Variants in WWP2 observed in about 807,000 individuals in gnomAD.
WWP2 encodes WW domain containing E3 ubiquitin protein ligase 2.
In WWP2, 57 loss-of-function variants were observed where a neutral mutation model predicts 121.0. The observed-to-expected ratio is 0.47, with a 90% CI of 0.38 to 0.59. The LOEUF is 0.59. WWP2 is among the 20% of genes least tolerant of loss of function. The pLI is 0.00. For synonymous variants in WWP2, 449 were observed against 441.3 expected, an observed-to-expected ratio of 1.02 and a Z score of -0.22; for missense variants, 962 against 1,158.9, an observed-to-expected ratio of 0.83 and a Z score of 2.47.
In WWP2 at chr16:69,937,255, G is replaced by T. The variant is rs376502073; in HGVS notation, c.2238+17G>T. Reference sequence around the variant, plus strand: ...GAGCTGGAGGTGAGTGTCTGAGGTTGCTGGGACCCTGAGCCCCTGCCTCTG... The same window carrying T: ...GAGCTGGAGGTGAGTGTCTGAGGTTTCTGGGACCCTGAGCCCCTGCCTCTG... On this transcript the variant is annotated intron_variant, in intron 20 of 23. Transcript: ENST00000359154. This position sits in a 1 kb window ranked among gnomAD's most constrained non-coding sequence, Gnocchi z 6.6. 7 of 1,612,522 alleles carry T rather than the reference G, an allele frequency of 4.3e-6. No individual in the cohort carries two copies. The African/African-American group carries it at 9.4e-5, about 22-fold the overall frequency.
intron 16 of WWP2, 88 bp from the exon 17 acceptor site, chr16:69,933,879 CCTG>C: frequency 6.8e-7 from 1 of 1,468,178 alleles, no homozygotes; most frequent in East Asian, 2.3e-5. Flanking sequence ...CCCATACTAA[CCTG>C]AGACACGATG....
intron 11 of WWP2, among the ~76,000 whole-genome samples, chr16:69,928,361 T>G (rs974915413): frequency 1.7e-4 from 24 of 137,474 alleles, no homozygotes; most frequent in African/African-American, 1.7e-4. Context: ...TAGTTTTTTG[T>G]TTTTTTTTTC....
At chr16:69,930,290 A>G in intron 13 of WWP2, 32 bp downstream of exon 13, 2 of 1,609,360 alleles carry the variant, frequency 1.2e-6, no homozygotes, top group African/African-American at 1.3e-5. Context: ...CAGCAGTGTC[A>G]GGAGCCGAGG....
intron 6 of WWP2, among the ~76,000 whole-genome samples, chr16:69,842,372 T>C (rs2056995599): frequency 6.6e-6 from 1 of 152,274 alleles, no homozygotes; most frequent in Middle Eastern, 3.4e-3. Context: ...ATGTACAGGT[T>C]TGTTACATGG....
At position 69,931,161 on chromosome 16, in the gene WWP2, A is replaced by G; in HGVS notation, c.1455A>G (p.Gln485=). 6.2e-7 allele frequency: 1 copy of G among 1,614,132 alleles called. No individual in the cohort carries two copies. Among genetic ancestry groups the G allele is most frequent in the Non-Finnish European group, 8.5e-7 (1 of 1,180,004 alleles). ...PRPGFESGTK[Q]GSPGAYDRSF... ...TCTTTGCTCTTCCTAGGACGAAGCAAGGTTCCCCTGGTGCTTATGACCGCA... is the reference window on the plus strand; with the variant it reads ...TCTTTGCTCTTCCTAGGACGAAGCAGGGTTCCCCTGGTGCTTATGACCGCA... The change falls in exon 14 of 24, where the codon CAA becomes CAG. Residue 485 remains glutamine, a synonymous_variant. Coordinates refer to ENST00000359154, the MANE Select transcript of WWP2 (RefSeq NM_001270454.2).
chr16:69,866,282 ATT>A (rs1322420585), intron 6 of WWP2, among the ~76,000 whole-genome samples: 32 of 32,184 alleles, frequency 9.9e-4, no homozygotes, highest in African/African-American at 2.7e-3. Context: ...TTATTTATTT[ATT>A]TATTTATTTA....
At chr16:69,782,081 G>A (rs1433492564) in intron 1 of WWP2, among the ~76,000 whole-genome samples, 5 of 152,086 alleles carry the variant, frequency 3.3e-5, no homozygotes, top group Admixed American at 2.6e-4. Flanking sequence ...TCAGGAGTTC[G>A]AGACCAGCTT....
chr16:69,920,424 C>T (rs933301154), intron 10 of WWP2, among the ~76,000 whole-genome samples: 1 of 152,124 alleles, frequency 6.6e-6, no homozygotes. Flanking sequence ...GGTCTTTCAC[C>T]ACATTTCAGA....
chr16:69,782,124 A>C (rs1331999733), intron 1 of WWP2, among the ~76,000 whole-genome samples: 2 of 152,072 alleles, frequency 1.3e-5, no homozygotes, highest in African/African-American at 4.8e-5. Context: ...CTTTACTAAA[A>C]ATACAGAAAT....
intron 9 of WWP2, chr16:69,910,404 G>A (rs887257725): frequency 4.1e-6 from 4 of 976,500 alleles, no homozygotes; most frequent in Non-Finnish European, 4.9e-6. Flanking sequence ...CAGGAGCTCT[G>A]TGTACTGTGG....
At chr16:69,795,663 T>G (rs1189985623) in intron 2 of WWP2, among the ~76,000 whole-genome samples, 9 of 137,000 alleles carry the variant, frequency 6.6e-5, no homozygotes, top group African/African-American at 2.5e-4. Flanking sequence ...TTTTTTTTTT[T>G]TTTTTTTTTT....
chr16:69,854,645 G>A (rs1410527935), intron 6 of WWP2, among the ~76,000 whole-genome samples: 1 of 152,058 alleles, frequency 6.6e-6, no homozygotes, highest in Admixed American at 6.6e-5. Context: ...CTGCCTTCTG[G>A]GTTCAAGCAG....
rs759132403 is a variant in WWP2 at position 69,939,824 on chromosome 16, T to C, written c.2514-17T>C. Reference sequence around the variant, plus strand: ...GGCCTCCTAGGGCTGACTGTCGTGCTTCCCCACTCTCAATAGCTTCAACCG... The same window carrying C: ...GGCCTCCTAGGGCTGACTGTCGTGCCTCCCCACTCTCAATAGCTTCAACCG... On this transcript the variant is annotated splice_polypyrimidine_tract_variant and intron_variant, in intron 23 of 23. Coordinates refer to ENST00000359154, the MANE Select transcript of WWP2 (RefSeq NM_001270454.2). The C allele has an allele frequency of 6.8e-6, 11 of 1,610,300 alleles. No homozygotes were observed. Among genetic ancestry groups the C allele is most frequent in the Non-Finnish European group, 8.5e-6 (10 of 1,178,200 alleles).
intron 8 of WWP2, 46 bp from the exon 9 acceptor site, chr16:69,908,715 G>A (rs767536976): frequency 4.3e-6 from 7 of 1,612,212 alleles, no homozygotes; most frequent in Non-Finnish European, 5.9e-6. Flanking sequence ...AGGGGCCTAT[G>A]CCTTTCCACT....
At chr16:69,779,638 A>G (rs2055621309) in intron 1 of WWP2, among the ~76,000 whole-genome samples, 1 of 152,190 alleles carries the variant, frequency 6.6e-6, no homozygotes, top group African/African-American at 2.4e-5. Flanking sequence ...AAAGGCTCAA[A>G]ACTGCTACAG....
rs375139201 is a variant in WWP2 at position 69,846,214 on chromosome 16, T to A, written c.575+4094T>A. Among the ~76,000 whole-genome samples, 19 of 152,248 alleles carry A rather than the reference T, an allele frequency of 1.2e-4. 1 individual carries two copies. Among genetic ancestry groups the A allele is most frequent in the African/African-American group, 4.6e-4 (19 of 41,542 alleles). On this transcript the variant is annotated intron_variant, in intron 6 of 23. Coordinates refer to ENST00000359154, the MANE Select transcript of WWP2 (RefSeq NM_001270454.2). ...AAAGAAAGAGTTATATCATAAATTG[T>A]CATACACTCTTATAATGGAATACTG... is the stretch of plus-strand genomic sequence containing the variant.
At chr16:69,768,792 C>T (rs1042794748) in intron 1 of WWP2, among the ~76,000 whole-genome samples, 4 of 152,120 alleles carry the variant, frequency 2.6e-5, no homozygotes, top group South Asian at 4.1e-4. Flanking sequence ...AGTGTACCTC[C>T]CTGCTCCCTC....
chr16:69,803,647 C>A (rs1439119316), intron 4 of WWP2, among the ~76,000 whole-genome samples: 1 of 152,158 alleles, frequency 6.6e-6, no homozygotes, highest in Non-Finnish European at 1.5e-5. Flanking sequence ...CAGTGACTTA[C>A]ACATGTAATC....
chr16:69,778,192 A>ATATT (rs1555544415), intron 1 of WWP2, among the ~76,000 whole-genome samples: 2,708 of 125,546 alleles, frequency 0.022, 62 homozygotes, highest in East Asian at 0.081. Flanking sequence ...ATATATATAT[A>ATATT]TTTTTTTTTT....
Sources: gnomAD v4.1 joint callset for allele counts (sites outside exome capture counted in the v4.1 genomes callset) on GRCh38, gnomAD v4.1.1 for gene constraint, Gnocchi (gnomAD v3.1) non-coding constraint, MANE v1.5 for transcripts, NCBI Gene and HGNC (gene_info 2026-07-23, HGNC 2026-07-21) for gene names.